Variants in CAMTA1 observed in about 807,000 individuals in gnomAD.
The protein encoded by CAMTA1 is calmodulin-binding transcription activator 1.
In CAMTA1, 27 loss-of-function variants were observed where a neutral mutation model predicts 170.9. The ratio of observed to expected loss-of-function variants is 0.16; its 90% CI spans 0.12 to 0.22. CAMTA1 has a LOEUF of 0.22. Ranked by LOEUF, CAMTA1 falls within the 10% of genes least tolerant of loss-of-function variation. The pLI, the probability that CAMTA1 is intolerant of heterozygous loss-of-function variation, is 1.00. For missense variants in CAMTA1, 1,619 were observed against 2,217.2 expected (o/e 0.73, Z 5.42); for synonymous variants, 833 against 891.5 (o/e 0.93, Z 1.17).
At chr1:7,705,160 G>T (rs1383621515) in intron 11 of CAMTA1, among the ~76,000 whole-genome samples, 1 of 151,732 alleles carries the variant, frequency 6.6e-6, no homozygotes, top group African/African-American at 2.4e-5. Context: ...GAAGTGTGGG[G>T]ATCCGGCGGG....
intron 3 of CAMTA1, among the ~76,000 whole-genome samples, chr1:7,013,206 C>CTTTTTTTTTT (rs1700065126): frequency 3.4e-5 from 3 of 88,184 alleles, no homozygotes; most frequent in African/African-American, 1.6e-4. Flanking sequence ...CTTTGCCCTT[C>CTTTTTTTTTT]TTCTTTTTTT....
intron 6 of CAMTA1, among the ~76,000 whole-genome samples, chr1:7,475,056 C>T (rs1229069768): frequency 6.6e-6 from 1 of 152,252 alleles, no homozygotes; most frequent in African/African-American, 2.4e-5. Context: ...CTGGGCTCTT[C>T]CCTGGCAGGC....
chr1:7,041,202 C>T lies in CAMTA1; in HGVS notation c.235-50102C>T, dbSNP rs1418748290. On this transcript the variant is annotated intron_variant, in intron 3 of 22. Transcript: ENST00000303635. The surrounding 1 kb of genome is among the most constrained non-coding windows in gnomAD (Gnocchi z 5.1). ...CCCTTGGTTCATTTTCTACACGAGG[C>T]CCCACACGGCCCCGGAGCTGGAGCT... is the stretch of plus-strand genomic sequence containing the variant. Among the ~76,000 whole-genome samples the T allele has an allele frequency of 6.6e-6, 1 of 152,236 alleles. No homozygotes were observed. The highest frequency in any genetic ancestry group is 1.9e-4 in the East Asian group (1 of 5,186).
intron 4 of CAMTA1, among the ~76,000 whole-genome samples, chr1:7,190,798 A>T (rs1654376725): frequency 2.0e-5 from 3 of 152,228 alleles, no homozygotes. Context: ...GGCAGACTCC[A>T]TTCTAAGCAC....
At chr1:7,141,971 A>G (rs765708960) in intron 4 of CAMTA1, among the ~76,000 whole-genome samples, 24 of 152,208 alleles carry the variant, frequency 1.6e-4, no homozygotes, top group Non-Finnish European at 2.6e-4. Flanking sequence ...GCCATGGCAG[A>G]GTTGGGTCCT....
intron 4 of CAMTA1, among the ~76,000 whole-genome samples, chr1:7,197,629 CACACACA>C (rs1655778734): frequency 9.2e-5 from 2 of 21,806 alleles, no homozygotes; most frequent in African/African-American, 4.6e-4. Flanking sequence ...TGTCCCCCAC[CACACACA>C]CACACACACA....
intron 18 of CAMTA1, among the ~76,000 whole-genome samples, chr1:7,746,462 A>G (rs1288350233): frequency 5.3e-5 from 8 of 152,206 alleles, no homozygotes; most frequent in African/African-American, 1.9e-4. Context: ...ACAGTTAAAC[A>G]TGAAATTTTT....
intron 10 of CAMTA1, among the ~76,000 whole-genome samples, chr1:7,675,711 G>A (rs571877145): frequency 1.4e-4 from 22 of 152,266 alleles, no homozygotes; most frequent in African/African-American, 4.3e-4. Flanking sequence ...AAATGATGGC[G>A]GCATGGACTA....
chr1:6,950,022 C>T (rs1334564155), intron 3 of CAMTA1, among the ~76,000 whole-genome samples: 1 of 152,250 alleles, frequency 6.6e-6, no homozygotes, highest in East Asian at 1.9e-4. Flanking sequence ...TGATTCCAGG[C>T]CCCATGCAGG....
At chr1:7,757,996 T>C (rs1213360162) in intron 22 of CAMTA1, among the ~76,000 whole-genome samples, 1 of 151,700 alleles carries the variant, frequency 6.6e-6, no homozygotes, top group Non-Finnish European at 1.5e-5. Context: ...AGGACAAAAA[T>C]CTCCATTTCT....
At chr1:7,579,558 T>TTTTTTTTC (rs2095239925) in intron 6 of CAMTA1, among the ~76,000 whole-genome samples, 2 of 114,420 alleles carry the variant, frequency 1.7e-5, no homozygotes, top group African/African-American at 1.1e-4. Flanking sequence ...TTTTCTTTTT[T>TTTTTTTTC]TTTTTTTTTT....
intron 22 of CAMTA1, among the ~76,000 whole-genome samples, chr1:7,766,098 AC>A (rs1278883112): frequency 6.6e-6 from 1 of 152,050 alleles, no homozygotes; most frequent in Non-Finnish European, 1.5e-5. Context: ...GAGTGATAGG[AC>A]ATTAATGGTG....
At chr1:7,200,648 A>T (rs911397726) in intron 4 of CAMTA1, among the ~76,000 whole-genome samples, 1 of 152,176 alleles carries the variant, frequency 6.6e-6, no homozygotes, top group African/African-American at 2.4e-5. Context: ...AGATTAGATT[A>T]CACAGTGTTG....
At chr1:7,349,535 A>G (rs1212082690) in intron 5 of CAMTA1, among the ~76,000 whole-genome samples, 1 of 152,240 alleles carries the variant, frequency 6.6e-6, no homozygotes, top group Non-Finnish European at 1.5e-5. Context: ...CGACGTACGC[A>G]GCAGCCTTGA....
rs1576241319 is a variant in CAMTA1 at position 7,585,784 on chromosome 1, C to T, written c.511-54616C>T. Among the ~76,000 whole-genome samples the T allele has an allele frequency of 6.6e-6, 1 of 151,140 alleles. No homozygotes were observed. Among genetic ancestry groups the T allele is most frequent in the South Asian group, 2.1e-4 (1 of 4,818 alleles). ...GTGGACAGACAGGCCAGAGACACGG[C>T]TCATCTGTCCCTCATCCACCTCCAG... is the stretch of plus-strand genomic sequence containing the variant. On this transcript the variant is annotated intron_variant, in intron 6 of 22. Transcript: ENST00000303635. The surrounding 1 kb of genome is among the most constrained non-coding windows in gnomAD (Gnocchi z 4.8).
Position 7,313,897 on chromosome 1 carries a change from A to G in CAMTA1, c.438+64271A>G, listed in dbSNP as rs567207373. Among the ~76,000 whole-genome samples the G allele has an allele frequency of 7.2e-5, 11 of 152,332 alleles. No individual in the cohort carries two copies. The South Asian group carries it at 2.3e-3, about 32-fold the overall frequency. ...CATCCTTGGAAGGCAGCGAGAAAGC[A>G]GTGCGGAGAGGGCACATCAGAGCTC... On this transcript the variant is annotated intron_variant, in intron 5 of 22. Coordinates refer to ENST00000303635, the MANE Select transcript of CAMTA1 (RefSeq NM_015215.4).
At chr1:7,477,398 C>T (rs2093437696) in intron 6 of CAMTA1, among the ~76,000 whole-genome samples, 1 of 152,160 alleles carries the variant, frequency 6.6e-6, no homozygotes, top group East Asian at 1.9e-4. Flanking sequence ...CCTTGAATAA[C>T]GTGACGAGGA....
chr1:7,263,074 G>A (rs903948562), intron 5 of CAMTA1, among the ~76,000 whole-genome samples: 14 of 151,972 alleles, frequency 9.2e-5, no homozygotes, highest in African/African-American at 2.7e-4. Context: ...GATGCGACAC[G>A]GTATTTTGGC....
chr1:6,926,402 C>G (rs532484798), intron 3 of CAMTA1, among the ~76,000 whole-genome samples: 1 of 146,012 alleles, frequency 6.8e-6, no homozygotes, highest in South Asian at 2.3e-4. Context: ...CTTCCTCCCT[C>G]CCTCCTCTCT....
Sources: gnomAD v4.1 joint callset for allele counts (sites outside exome capture counted in the v4.1 genomes callset) on GRCh38, gnomAD v4.1.1 for gene constraint, Gnocchi (gnomAD v3.1) non-coding constraint, MANE v1.5 for transcripts, NCBI Gene and HGNC (gene_info 2026-07-23, HGNC 2026-07-21) for gene names.